Variants in KMT5B observed in about 807,000 individuals in gnomAD.
KMT5B encodes histone-lysine N-methyltransferase KMT5B.
In KMT5B, 10 loss-of-function variants were observed where a neutral mutation model predicts 83.2. The observed-to-expected ratio is 0.12, with a 90% confidence interval of 0.07 to 0.20. The LOEUF (loss-of-function observed/expected upper bound fraction) is 0.20. Ranked by LOEUF, KMT5B falls within the 10% of genes least tolerant of loss-of-function variation. The pLI is 1.00. For missense variants in KMT5B, 753 were observed against 1,067.2 expected (o/e 0.71, Z 4.10); for synonymous variants, 349 against 388.8 (o/e 0.90, Z 1.20).
rs202081508 is a variant in KMT5B, at chr11:68,165,225, G to A, written c.1174+1757C>T. The stretch of plus-strand genomic sequence containing the variant: ...GTTTAAAAATCACAGGTCTCTGGCC[G>A]GGTGCAGTGGCTCACACCTATAATC... On this transcript the variant is annotated intron_variant, in intron 10 of 10. Coordinates refer to ENST00000304363, the MANE Select transcript of KMT5B (RefSeq NM_017635.5). Among the ~76,000 whole-genome samples, 11 of 152,142 alleles carry A rather than the reference G, an allele frequency of 7.2e-5. No individual in the cohort carries two copies. In the East Asian group the frequency reaches 1.7e-3, roughly 24 times the overall value.
chr11:68,163,253 A>G (rs1396266633), intron 10 of KMT5B, among the ~76,000 whole-genome samples: 2 of 152,224 alleles, frequency 1.3e-5, no homozygotes, highest in Non-Finnish European at 2.9e-5. Context: ...AAATGGCCAC[A>G]TTCATCCTAA....
chr11:68,209,918 G>C (rs1189420198), intron 1 of KMT5B, among the ~76,000 whole-genome samples: 1 of 150,716 alleles, frequency 6.6e-6, no homozygotes, highest in Non-Finnish European at 1.5e-5. Flanking sequence ...CCAGGCTGGA[G>C]TGCAGTGGAG....
At chr11:68,211,216 C>T (rs1281709821) in intron 1 of KMT5B, among the ~76,000 whole-genome samples, 1 of 152,200 alleles carries the variant, frequency 6.6e-6, no homozygotes, top group Non-Finnish European at 1.5e-5. Context: ...CCTTCACACG[C>T]GTCTCTCCCT....
intron 1 of KMT5B, 42 bp from the exon 2 acceptor site, chr11:68,190,194 A>G (rs1452917803): frequency 1.2e-6 from 1 of 858,026 alleles, no homozygotes. Context: ...AAATGGGGAG[A>G]TAAATACATG....
At position 68,175,081 on chromosome 11, in the gene KMT5B, G is replaced by A. The variant is rs776877271; in HGVS notation, c.480C>T (p.Gly160=). ...LEKAFKCLTS[G]EWARHYFLNK... is the part of the protein sequence containing the mutation. ...TGAGAAAATAGTGCCGTGCCCATTC[G>A]CCTGAAGTCAAACATTTGAAGGCTT... is the stretch of plus-strand genomic sequence containing the variant. Residue 160 remains glycine, a synonymous_variant, in exon 5 of 11, where the codon GGC becomes GGT. Coordinates refer to ENST00000304363, the MANE Select transcript of KMT5B (RefSeq NM_017635.5). 23 of 1,613,592 alleles carry A rather than the reference G, an allele frequency of 1.4e-5. No individual in the cohort carries two copies. Among genetic ancestry groups the A allele is most frequent in the Admixed American group, 1.0e-4 (6 of 59,980 alleles).
At position 68,190,044 on chromosome 11, in the gene KMT5B, CA is replaced by C; in HGVS notation, c.32del (p.Val11GlyfsTer2). On this transcript the variant is annotated frameshift_variant, in exon 2 of 11. Transcript: ENST00000304363. LOFTEE classifies it high-confidence loss of function. ...TGCCTCCATTTCTCCTGCCATTCAC[CA>C]CCATGTTCTTGGATTCTCCCAACCA... MKWLGESKNM[V>X]VNGRRNGGKL... 1 of 1,614,122 alleles carries C rather than the reference CA, an allele frequency of 6.2e-7. No homozygotes were observed. The highest frequency in any genetic ancestry group is 8.5e-7 in the Non-Finnish European group (1 of 1,179,982).
chr11:68,185,063 T>C (rs910670211), intron 3 of KMT5B, among the ~76,000 whole-genome samples: 3 of 152,136 alleles, frequency 2.0e-5, no homozygotes, highest in Admixed American at 2.0e-4. Flanking sequence ...TCCCCATCTA[T>C]ACAGAGACAA....
At chr11:68,188,282 CCAAAGTG>C (rs1857648275) in intron 2 of KMT5B, among the ~76,000 whole-genome samples, 1 of 152,000 alleles carries the variant, frequency 6.6e-6, no homozygotes, top group Non-Finnish European at 1.5e-5. Context: ...CCTCAGCCTC[CCAAAGTG>C]CTGGGATTAC....
At chr11:68,182,900 C>A (rs1857079967) in intron 3 of KMT5B, among the ~76,000 whole-genome samples, 1 of 151,860 alleles carries the variant, frequency 6.6e-6, no homozygotes, top group African/African-American at 2.4e-5. Flanking sequence ...CCACGCCTGG[C>A]TAAATTTTGT....
chr11:68,208,997 G>A (rs1203000032), intron 1 of KMT5B, among the ~76,000 whole-genome samples: 1 of 152,158 alleles, frequency 6.6e-6, no homozygotes, highest in African/African-American at 2.4e-5. Flanking sequence ...AGTGAAGGGG[G>A]GTTTCCTATG....
chr11:68,196,945 A>G (rs1263068252), intron 1 of KMT5B, among the ~76,000 whole-genome samples: 1 of 152,112 alleles, frequency 6.6e-6, no homozygotes, highest in Non-Finnish European at 1.5e-5. Flanking sequence ...AAATATATGG[A>G]ATAGAAAGGT....
chr11:68,170,155 C>T (rs1377144699), intron 9 of KMT5B, among the ~76,000 whole-genome samples: 1 of 152,192 alleles, frequency 6.6e-6, no homozygotes, highest in Non-Finnish European at 1.5e-5. Context: ...ACTAATAACT[C>T]TGATCATAAC....
At chr11:68,181,914 C>G (rs192696847) in intron 3 of KMT5B, among the ~76,000 whole-genome samples, 14 of 152,340 alleles carry the variant, frequency 9.2e-5, no homozygotes, top group Admixed American at 3.9e-4. Flanking sequence ...CCCACACCGG[C>G]CTGAAGTGCT....
chr11:68,198,209 C>T (rs565559111), intron 1 of KMT5B, among the ~76,000 whole-genome samples: 1 of 152,248 alleles, frequency 6.6e-6, no homozygotes, highest in South Asian at 2.1e-4. Context: ...CAAGGTGAAA[C>T]CCCATCCCTG....
chr11:68,189,973 G>A lies in KMT5B; in HGVS notation c.104C>T (p.Thr35Met), dbSNP rs537207051. The part of the protein sequence containing the change: ...HQQNQSKLQH[T>M]GKDTLKAGKN... The stretch of plus-strand genomic sequence containing the variant: ...GCCAGCCTTCAGGGTGTCCTTCCCC[G>A]TGTGCTGTAATTTTGATTGATTCTG... Residue 35 changes from threonine (T) to methionine (M), a missense_variant, in exon 2 of 11, where the codon ACG becomes ATG. Coordinates refer to ENST00000304363, the MANE Select transcript of KMT5B (RefSeq NM_017635.5). 5.6e-6 allele frequency: 9 copies of A among 1,614,030 alleles called. No individual in the cohort carries two copies. In the East Asian group the frequency reaches 6.7e-5, roughly 12 times the overall value.
intron 1 of KMT5B, among the ~76,000 whole-genome samples, chr11:68,196,567 T>C (rs967552761): frequency 1.3e-4 from 20 of 149,584 alleles, no homozygotes; most frequent in African/African-American, 4.9e-4. Context: ...TAAAAAAAAC[T>C]GTAAATTAAA....
rs1162645055 is a variant in KMT5B at position 68,213,157 on chromosome 11, C to A, written c.-96G>T. On this transcript the variant is annotated 5_prime_UTR_variant, in exon 1 of 11. The change creates a new upstream start codon in the 5' untranslated region. Transcript: ENST00000304363. ...ACTCACCGCCTGCGCCGCCCCGCTC[C>A]TCCTCGGGGCGCGTCCCAGGCCCCG... The A allele has an allele frequency of 7.0e-6, 1 of 142,192 alleles. No homozygotes were observed. The highest frequency in any genetic ancestry group is 1.6e-5 in the Non-Finnish European group (1 of 63,838). The allele number at this position is 142,192 out of a possible 1,614,324, so 8.8% of individuals were successfully genotyped here. A position where few individuals can be genotyped will look rare whatever the true frequency, so the allele number is the denominator to read the frequency against.
At chr11:68,159,718 C>A (rs574811210) in intron 10 of KMT5B, among the ~76,000 whole-genome samples, 1 of 152,154 alleles carries the variant, frequency 6.6e-6, no homozygotes, top group Non-Finnish European at 1.5e-5. Flanking sequence ...ATGCTAAGAA[C>A]CATATATTAT....
At chr11:68,196,007 A>G (rs1476967308) in intron 1 of KMT5B, among the ~76,000 whole-genome samples, 1 of 152,094 alleles carries the variant, frequency 6.6e-6, no homozygotes, top group African/African-American at 2.4e-5. Flanking sequence ...AAATACAAAA[A>G]TTAGCTAGGT....
Sources: allele counts gnomAD v4.1 joint callset (sites outside exome capture counted in the v4.1 genomes callset), GRCh38; gene constraint gnomAD v4.1.1; transcripts MANE v1.5; gene names NCBI Gene and HGNC (gene_info 2026-07-23, HGNC 2026-07-21).